Variants in ZDHHC20 observed in about 807,000 individuals in gnomAD.
ZDHHC20 encodes the protein palmitoyltransferase ZDHHC20.
ZDHHC20 carries 43 observed loss-of-function variants against 57.8 expected under a neutral mutation model. The ratio of observed to expected loss-of-function variants is 0.74; its 90% confidence interval spans 0.58 to 0.96. ZDHHC20 has a LOEUF of 0.96. Among genes scored for constraint, ZDHHC20 ranks in the 40% least tolerant of loss-of-function variants. The pLI, the probability that ZDHHC20 is intolerant of heterozygous loss-of-function variation, is 0.00. For synonymous variants in ZDHHC20, 157 were observed against 153.0 expected, an observed-to-expected ratio of 1.03 and a Z score of -0.19; for missense variants, 391 against 441.1, an observed-to-expected ratio of 0.89 and a Z score of 1.02.
intron 3 of ZDHHC20, among the ~76,000 whole-genome samples, chr13:21,416,555 A>G (rs1472739521): frequency 6.6e-6 from 1 of 152,220 alleles, no homozygotes; most frequent in Non-Finnish European, 1.5e-5. Flanking sequence ...CTAGTAAGAG[A>G]GCCATATAAA....
At chr13:21,452,441 C>G (rs1416798528) in intron 1 of ZDHHC20, among the ~76,000 whole-genome samples, 1 of 152,112 alleles carries the variant, frequency 6.6e-6, no homozygotes, top group Non-Finnish European at 1.5e-5. Context: ...TTCAGTCCAG[C>G]TGACTTGCAC....
intron 9 of ZDHHC20, among the ~76,000 whole-genome samples, chr13:21,386,971 T>C (rs1177290277): frequency 1.3e-5 from 2 of 152,230 alleles, no homozygotes; most frequent in Non-Finnish European, 2.9e-5. Context: ...CTTACAAATA[T>C]GTCACTCAAT....
intron 9 of ZDHHC20, among the ~76,000 whole-genome samples, chr13:21,385,283 G>C (rs1278707418): frequency 6.6e-6 from 1 of 152,022 alleles, no homozygotes; most frequent in Non-Finnish European, 1.5e-5. Context: ...ATAAAACTTA[G>C]CCAGGTGTGG....
At chr13:21,421,242 T>C in intron 2 of ZDHHC20, 78 bp from the exon 3 acceptor site, 1 of 1,145,938 alleles carries the variant, frequency 8.7e-7, no homozygotes, top group Non-Finnish European at 1.3e-6. Context: ...ACACAATAAT[T>C]GGGTCAGGAG....
rs764283818 is a variant in ZDHHC20 at position 21,459,093 on chromosome 13, C to A, written c.79G>T (p.Val27Phe). Residue 27 changes from valine to phenylalanine, a missense_variant, in exon 1 of 13, where the codon GTC (valine) becomes TTC (phenylalanine). Val to Phe is a conservative substitution (Grantham distance 50). Coordinates refer to ENST00000400590, the MANE Select transcript of ZDHHC20 (RefSeq NM_001330059.2). ...VPVLFITFVVVWSYYAYVVEL... is the reference protein window; with the variant it reads ...VPVLFITFVVFWSYYAYVVEL... ...ACCACGTACGCGTAGTAGGACCAGACGACCACGAAGGTGATGAAGAGCACC... is the reference window on the plus strand; with the variant it reads ...ACCACGTACGCGTAGTAGGACCAGAAGACCACGAAGGTGATGAAGAGCACC... 1 of 1,606,664 alleles carries A rather than the reference C, an allele frequency of 6.2e-7. No individual in the cohort carries two copies. Among genetic ancestry groups the A allele is most frequent in the Non-Finnish European group, 8.5e-7 (1 of 1,177,210 alleles).
chr13:21,381,258 G>A (rs1188785713), intron 11 of ZDHHC20, among the ~76,000 whole-genome samples, 176 bp downstream of exon 11: 4 of 151,940 alleles, frequency 2.6e-5, no homozygotes, highest in African/African-American at 9.7e-5. Flanking sequence ...CACCCGCCTC[G>A]GCATCCCAAA....
At chr13:21,438,326 C>T (rs778194969) in intron 1 of ZDHHC20, among the ~76,000 whole-genome samples, 16 of 152,148 alleles carry the variant, frequency 1.1e-4, no homozygotes, top group African/African-American at 1.7e-4. Flanking sequence ...TAAGAACACT[C>T]GTTTTTCATG....
chr13:21,429,145 C>T (rs913792025), intron 1 of ZDHHC20, among the ~76,000 whole-genome samples: 6 of 152,080 alleles, frequency 3.9e-5, no homozygotes, highest in Non-Finnish European at 8.8e-5. Flanking sequence ...TATCAGTATA[C>T]TTGTATCTAC....
chr13:21,458,132 T>C (rs913879591), intron 1 of ZDHHC20, among the ~76,000 whole-genome samples: 3 of 152,212 alleles, frequency 2.0e-5, no homozygotes, highest in South Asian at 2.1e-4. Flanking sequence ...ATATCACAAA[T>C]GTAGCAGTCA....
At chr13:21,458,377 AAAT>A (rs1410153979) in intron 1 of ZDHHC20, among the ~76,000 whole-genome samples, 1 of 152,232 alleles carries the variant, frequency 6.6e-6, no homozygotes, top group Non-Finnish European at 1.5e-5. Flanking sequence ...GCCAAGAAAA[AAAT>A]AATCAGGTTA....
chr13:21,428,804 G>C (rs954362215), intron 1 of ZDHHC20, among the ~76,000 whole-genome samples: 10 of 151,810 alleles, frequency 6.6e-5, no homozygotes, highest in African/African-American at 2.4e-4. Flanking sequence ...TTGCAGTGAG[G>C]CAAGATCACA....
chr13:21,395,058 T>G (rs564819764), intron 7 of ZDHHC20, among the ~76,000 whole-genome samples: 1 of 130,456 alleles, frequency 7.7e-6, no homozygotes, highest in African/African-American at 2.9e-5. Flanking sequence ...AGATTTTAGT[T>G]TAAATTCTTT....
intron 10 of ZDHHC20, 51 bp downstream of exon 10, chr13:21,382,869 T>A (rs1566062910): frequency 2.3e-5 from 32 of 1,410,012 alleles, no homozygotes; most frequent in Non-Finnish European, 3.1e-5. Flanking sequence ...AACACATGTA[T>A]ACGGTTTGCT....
chr13:21,441,817 T>C (rs1289324205), intron 1 of ZDHHC20, among the ~76,000 whole-genome samples: 1 of 152,164 alleles, frequency 6.6e-6, no homozygotes, highest in East Asian at 1.9e-4. Flanking sequence ...TTTTCTGTTG[T>C]TATTCTCTTG....
intron 1 of ZDHHC20, among the ~76,000 whole-genome samples, chr13:21,439,681 T>C (rs968945154): frequency 7.2e-5 from 11 of 152,134 alleles, no homozygotes; most frequent in African/African-American, 2.6e-4. Context: ...AGGAACTGAG[T>C]GGACAAATGA....
At chr13:21,446,068 T>C (rs1283624075) in intron 1 of ZDHHC20, among the ~76,000 whole-genome samples, 6 of 152,204 alleles carry the variant, frequency 3.9e-5, no homozygotes, top group Non-Finnish European at 7.3e-5. Flanking sequence ...AGGAAGAAAT[T>C]AGGTCAGAAG....
intron 8 of ZDHHC20, among the ~76,000 whole-genome samples, chr13:21,389,503 T>C (rs1022015167): frequency 1.1e-4 from 17 of 152,232 alleles, no homozygotes; most frequent in Non-Finnish European, 2.5e-4. Context: ...ATTTATATAA[T>C]TTTATAAATA....
chr13:21,407,793 G>A (rs1459911996), intron 4 of ZDHHC20, among the ~76,000 whole-genome samples: 1 of 152,186 alleles, frequency 6.6e-6, no homozygotes, highest in Non-Finnish European at 1.5e-5. Context: ...GTTAATTTTT[G>A]TATAAGGTGT....
chr13:21,429,220 GAAA>G (rs1247075452), intron 1 of ZDHHC20, among the ~76,000 whole-genome samples: 1 of 152,152 alleles, frequency 6.6e-6, no homozygotes, highest in Non-Finnish European at 1.5e-5. Flanking sequence ...CTGTCACTGG[GAAA>G]AAATTTTTTT....
Sources: allele counts gnomAD v4.1 joint callset (sites outside exome capture counted in the v4.1 genomes callset), GRCh38; gene constraint gnomAD v4.1.1; transcripts MANE v1.5; gene names NCBI Gene and HGNC (gene_info 2026-07-23, HGNC 2026-07-21).